CSMD3: variants seen among roughly 807,000 people sequenced by gnomAD.
The protein encoded by CSMD3 is CUB and sushi domain-containing protein 3.
CSMD3 carries 177 observed loss-of-function variants against 435.2 expected under a neutral mutation model. The observed-to-expected ratio is 0.41, with a 90% CI of 0.36 to 0.46. The LOEUF is 0.46. CSMD3 is among the 20% of genes least tolerant of loss of function. CSMD3 has a pLI of 0.34. For missense variants in CSMD3, 4,265 were observed against 4,504.6 expected (o/e 0.95, Z 1.52); for synonymous variants, 1,656 against 1,520.5 (o/e 1.09, Z -2.07).
intron 22 of CSMD3, among the ~76,000 whole-genome samples, chr8:112,609,577 T>A (rs1392753628): frequency 2.0e-5 from 3 of 152,162 alleles, no homozygotes. Flanking sequence ...GAATTTAAGT[T>A]GGCACAGCTA....
chr8:113,227,113 A>G (rs1236240831), intron 3 of CSMD3, among the ~76,000 whole-genome samples: 1 of 151,536 alleles, frequency 6.6e-6, no homozygotes, highest in East Asian at 1.9e-4. Flanking sequence ...CCACAACAAT[A>G]TTCTTTTACA....
intron 6 of CSMD3, among the ~76,000 whole-genome samples, chr8:112,986,263 A>AT (rs2085251115): frequency 6.6e-6 from 1 of 152,184 alleles, no homozygotes; most frequent in Admixed American, 6.6e-5. Flanking sequence ...TCAACTGGGC[A>AT]TTCTGTATAT....
intron 1 of CSMD3, among the ~76,000 whole-genome samples, chr8:113,368,568 A>C (rs2094327864): frequency 6.6e-6 from 1 of 152,066 alleles, no homozygotes; most frequent in Non-Finnish European, 1.5e-5. Context: ...TATATATCAC[A>C]TTATCTTCCT....
At chr8:112,829,224 A>C (rs570074577) in intron 12 of CSMD3, among the ~76,000 whole-genome samples, 1 of 152,262 alleles carries the variant, frequency 6.6e-6, no homozygotes, top group African/African-American at 2.4e-5. Flanking sequence ...AGATTGATAA[A>C]TTCACATCCT....
intron 4 of CSMD3, among the ~76,000 whole-genome samples, chr8:113,124,491 A>G (rs201184617): frequency 2.6e-5 from 2 of 76,014 alleles, no homozygotes; most frequent in East Asian, 2.2e-3. Flanking sequence ...GTGGGAAAAA[A>G]GAAAAAAAAC....
chr8:112,270,359 T>TGTGTGTGTGTGTGTGTTAGGGGTGA lies in CSMD3; in HGVS notation c.9509-4770_9509-4769insTCACCCCTAACACACACACACACAC, dbSNP rs1554622994. On this transcript the variant is annotated intron_variant, in intron 59 of 70. Transcript: ENST00000297405. ...AGAGGGGTGAGTGTGTGTGTGTGTG[T>TGTGTGTGTGTGTGTGTTAGGGGTGA]GTGTGTGTGTGTGTGTGTGTGTGTG... Among the ~76,000 whole-genome samples, 504 of 130,952 alleles carry TGTGTGTGTGTGTGTGTTAGGGGTGA rather than the reference T, an allele frequency of 3.8e-3. 1 individual carries two copies. The highest frequency in any genetic ancestry group is 5.0e-3 in the Non-Finnish European group (324 of 64,830). 85.9% of individuals were successfully genotyped at this position (130,952 alleles called of 152,430 possible).
chr8:112,491,826 A>C (rs1820728393), intron 31 of CSMD3, among the ~76,000 whole-genome samples: 1 of 152,108 alleles, frequency 6.6e-6, no homozygotes, highest in South Asian at 2.1e-4. Flanking sequence ...AGCTGGGGAA[A>C]TCTGTCCTAG....
At chr8:112,328,858 C>A (rs1480006826) in intron 45 of CSMD3, among the ~76,000 whole-genome samples, 1 of 152,112 alleles carries the variant, frequency 6.6e-6, no homozygotes, top group Non-Finnish European at 1.5e-5. Flanking sequence ...TGAGGCCTTC[C>A]CAGTCATATG....
intron 64 of CSMD3, among the ~76,000 whole-genome samples, chr8:112,245,063 AC>A (rs1285528190): frequency 2.6e-5 from 4 of 151,988 alleles, no homozygotes; most frequent in Non-Finnish European, 5.9e-5. Context: ...GTTAAATAAA[AC>A]CACAGCTAAT....
chr8:113,258,967 C>T (rs913595553), intron 3 of CSMD3, among the ~76,000 whole-genome samples: 1 of 151,874 alleles, frequency 6.6e-6, no homozygotes, highest in Admixed American at 6.6e-5. Context: ...AAAGAAAATC[C>T]CAATGTTTTT....
intron 45 of CSMD3, among the ~76,000 whole-genome samples, chr8:112,323,801 C>T (rs1823235849): frequency 6.6e-6 from 1 of 152,000 alleles, no homozygotes; most frequent in East Asian, 1.9e-4. Flanking sequence ...GAAGTATTTA[C>T]CTGGAATCCA....
Position 113,357,887 on chromosome 8 carries a change from T to C in CSMD3, c.179-43094A>G, listed in dbSNP as rs540803948. Among the ~76,000 whole-genome samples the C allele has an allele frequency of 7.9e-5, 12 of 152,286 alleles. No individual in the cohort carries two copies. In the South Asian group the frequency reaches 2.5e-3, roughly 32 times the overall value. On this transcript the variant is annotated intron_variant, in intron 1 of 70. Coordinates refer to ENST00000297405, the MANE Select transcript of CSMD3 (RefSeq NM_198123.2). Reference sequence around the variant, plus strand: ...TTTGCCTTCTGCCATGATTGTAAGTTTACTGAGGCCTCCCCAGCCTTGCTT... The same window carrying C: ...TTTGCCTTCTGCCATGATTGTAAGTCTACTGAGGCCTCCCCAGCCTTGCTT...
At chr8:112,316,341 G>C (rs917179341) in intron 47 of CSMD3, among the ~76,000 whole-genome samples, 1 of 151,304 alleles carries the variant, frequency 6.6e-6, no homozygotes, top group Non-Finnish European at 1.5e-5. Flanking sequence ...CCTAAAAAGA[G>C]AACTCTGACA....
chr8:112,689,570 G>A (rs1048463728), intron 14 of CSMD3, among the ~76,000 whole-genome samples: 3 of 151,980 alleles, frequency 2.0e-5, no homozygotes, highest in African/African-American at 7.2e-5. Flanking sequence ...TCATTCAGAT[G>A]TATAATTTCC....
chr8:113,007,076 C>T (rs1447062705), intron 6 of CSMD3, among the ~76,000 whole-genome samples: 1 of 151,928 alleles, frequency 6.6e-6, no homozygotes, highest in Non-Finnish European at 1.5e-5. Flanking sequence ...AGAGGAGAGA[C>T]AAGAACAGTT....
intron 35 of CSMD3, among the ~76,000 whole-genome samples, chr8:112,403,783 G>A (rs1831535084): frequency 6.6e-6 from 1 of 152,000 alleles, no homozygotes; most frequent in Admixed American, 6.6e-5. Flanking sequence ...TGGGGTGAGG[G>A]AGAGAATAAA....
chr8:112,915,205 C>G (rs2082538602), intron 10 of CSMD3, among the ~76,000 whole-genome samples: 1 of 151,782 alleles, frequency 6.6e-6, no homozygotes, highest in Admixed American at 6.6e-5. Context: ...TTCATTTGTT[C>G]ATCCTTGCAT....
intron 1 of CSMD3, among the ~76,000 whole-genome samples, chr8:113,386,668 A>G (rs918289885): frequency 1.3e-5 from 2 of 151,858 alleles, no homozygotes; most frequent in African/African-American, 4.8e-5. Context: ...ACTCAATGGC[A>G]ATCATAGCAA....
At chr8:112,442,102 G>A (rs1815090298) in intron 32 of CSMD3, among the ~76,000 whole-genome samples, 2 of 152,320 alleles carry the variant, frequency 1.3e-5, no homozygotes, top group Admixed American at 1.3e-4. Context: ...GAAGGCAAAA[G>A]AAGAATAGGT....
Sources: allele counts gnomAD v4.1 joint callset (sites outside exome capture counted in the v4.1 genomes callset), GRCh38; gene constraint gnomAD v4.1.1; transcripts MANE v1.5; gene names NCBI Gene and HGNC (gene_info 2026-07-23, HGNC 2026-07-21).